CAMK1: variants seen among roughly 807,000 people sequenced by gnomAD.
CAMK1 encodes calcium/calmodulin dependent protein kinase I.
Under a neutral mutation model 49.1 loss-of-function variants are expected in CAMK1, and 39 were observed. That is an observed-to-expected ratio of 0.79 (90% CI 0.62 to 1.04). The LOEUF (loss-of-function observed/expected upper bound fraction) is 1.04. CAMK1 is among the 50% of genes least tolerant of loss of function. The pLI is 0.00. For synonymous variants in CAMK1, 192 were observed against 185.2 expected (o/e 1.04, Z -0.30); for missense variants, 457 against 472.2 (o/e 0.97, Z 0.30).
chr3:9,766,027 C>T (rs1365250986), intron 2 of CAMK1, 137 bp from the exon 3 acceptor site: 3 of 1,612,592 alleles, frequency 1.9e-6, no homozygotes, highest in Admixed American at 3.3e-5. Flanking sequence ...CTCATCCATC[C>T]CCTGGCTCCA....
chr3:9,765,625 T>C (rs776613875), intron 3 of CAMK1, 134 bp downstream of exon 3: 51 of 1,051,058 alleles, frequency 4.9e-5, no homozygotes, highest in Non-Finnish European at 6.9e-5. Context: ...AAGTGGAAAT[T>C]GTGATCCCCA....
Position 9,761,656 on chromosome 3 carries a change from G to A in CAMK1, c.531C>T (p.Thr177=), listed in dbSNP as rs377236766. 56 of 1,614,000 alleles carry A rather than the reference G, an allele frequency of 3.5e-5. No individual in the cohort carries two copies. The highest frequency in any genetic ancestry group is 4.5e-5 in the East Asian group (2 of 44,900). ...KMEDPGSVLS[T]ACGTPGYVAP... ...CCACGTATCCCGGAGTTCCACAGGC[G>A]GTGGAGAGCACACTGCCCGGGTCCT... Residue 177 remains threonine, a synonymous_variant, in exon 6 of 12, where the codon ACC becomes ACT. Coordinates refer to ENST00000256460, the MANE Select transcript of CAMK1 (RefSeq NM_003656.5).
At chr3:9,761,885 A>G (rs2125578938) in intron 5 of CAMK1, 128 bp from the exon 6 acceptor site, 4 of 1,419,006 alleles carry the variant, frequency 2.8e-6, no homozygotes, top group Non-Finnish European at 3.7e-6. Context: ...CATGGCTGTC[A>G]TAAGAAAATC....
intron 10 of CAMK1, chr3:9,758,927 G>T: frequency 2.3e-6 from 1 of 437,794 alleles, no homozygotes; most frequent in Non-Finnish European, 4.3e-6. Context: ...ACCATGCCTG[G>T]CCCTGAGAGC....
intron 2 of CAMK1, 21 bp from the exon 3 acceptor site, chr3:9,765,911 C>G: frequency 6.2e-7 from 1 of 1,614,110 alleles, no homozygotes; most frequent in Non-Finnish European, 8.5e-7. Context: ...AGGGGATTCA[C>G]AAGGTGAAGA....
chr3:9,763,479 A>C (rs1269796286), intron 3 of CAMK1, among the ~76,000 whole-genome samples: 5 of 151,712 alleles, frequency 3.3e-5, no homozygotes. Flanking sequence ...CACTGCCTAC[A>C]TACCTGGGTA....
intron 7 of CAMK1, 108 bp from the exon 8 acceptor site, chr3:9,760,876 C>T: frequency 6.6e-7 from 1 of 1,512,274 alleles, no homozygotes; most frequent in Non-Finnish European, 9.0e-7. Context: ...GAAGGAGTTC[C>T]CCCTTTATAA....
At chr3:9,764,566 CCT>C (rs1177089890) in intron 3 of CAMK1, among the ~76,000 whole-genome samples, 1 of 151,250 alleles carries the variant, frequency 6.6e-6, no homozygotes, top group African/African-American at 2.4e-5. Context: ...CCCACTTCAG[CCT>C]CTCAAAGTGC....
At chr3:9,766,055 C>T (rs959050166) in intron 2 of CAMK1, 165 bp from the exon 3 acceptor site, 1 of 1,588,362 alleles carries the variant, frequency 6.3e-7, no homozygotes, top group Admixed American at 1.8e-5. Flanking sequence ...TCACATGACC[C>T]AGGCCTGGCC....
At chr3:9,766,526 C>T in intron 2 of CAMK1, 2 of 459,810 alleles carry the variant, frequency 4.3e-6, no homozygotes, top group South Asian at 2.3e-5. Flanking sequence ...GGCCCTGCCC[C>T]AGATTTACTA....
At position 9,757,364 on chromosome 3, in the gene CAMK1, T is replaced by TA; in HGVS notation, c.*174dup. ...GCTAAGGATGGTTTTATCTTCCCTT[T>TA]ATTACAAGAAGGAACAATAAAATAG... On this transcript the variant is annotated 3_prime_UTR_variant, in exon 12 of 12. Transcript: ENST00000256460. This position sits in a 1 kb window ranked among gnomAD's most constrained non-coding sequence, Gnocchi z 4.5. The TA allele has an allele frequency of 6.2e-7, 1 of 1,613,950 alleles. No homozygotes were observed. The highest frequency in any genetic ancestry group is 8.5e-7 in the Non-Finnish European group (1 of 1,179,928).
rs1419570960 is a variant in CAMK1, at chr3:9,761,767, C to G, written c.430-10G>C. The stretch of plus-strand genomic sequence containing the variant: ...ACAGCAGATTCTCTGGCTTGAAGGG[C>G]AGGAGGGAAGAGAAGGGGCAATCAG... On this transcript the variant is annotated splice_polypyrimidine_tract_variant and intron_variant, in intron 5 of 11. Transcript: ENST00000256460. 1 of 1,613,746 alleles carries G rather than the reference C, an allele frequency of 6.2e-7. No individual in the cohort carries two copies. Among genetic ancestry groups the G allele is most frequent in the Non-Finnish European group, 8.5e-7 (1 of 1,179,880 alleles).
intron 5 of CAMK1, chr3:9,762,237 A>AG (rs1364347492): frequency 5.8e-5 from 9 of 156,170 alleles, no homozygotes; most frequent in African/African-American, 2.2e-4. Flanking sequence ...ATTGAGATGT[A>AG]CTGCTAAATG....
At chr3:9,766,035 C>T in intron 2 of CAMK1, 145 bp from the exon 3 acceptor site, 9 of 1,609,500 alleles carry the variant, frequency 5.6e-6, no homozygotes, top group Non-Finnish European at 6.8e-6. Flanking sequence ...TCCCCTGGCT[C>T]CAGAGATGGT....
chr3:9,764,052 G>A (rs1226560440), intron 3 of CAMK1, among the ~76,000 whole-genome samples: 1 of 152,120 alleles, frequency 6.6e-6, no homozygotes, highest in Non-Finnish European at 1.5e-5. Flanking sequence ...CCAGACATAA[G>A]CTCCCCGAAT....
chr3:9,760,824 G>C lies in CAMK1; in HGVS notation c.633-56C>G, dbSNP rs1362565148. On this transcript the variant is annotated intron_variant, in intron 7 of 11. Coordinates refer to ENST00000256460, the MANE Select transcript of CAMK1 (RefSeq NM_003656.5). Reference sequence around the variant, plus strand: ...ACTTTCGGGTGCCGTTGGCTCCGGGGTGGAGCACTGGGGCAGTCTCAGGGG... The same window carrying C: ...ACTTTCGGGTGCCGTTGGCTCCGGGCTGGAGCACTGGGGCAGTCTCAGGGG... 3 of 1,608,158 alleles carry C rather than the reference G, an allele frequency of 1.9e-6. No homozygotes were observed. In the East Asian group the frequency reaches 6.7e-5, roughly 36 times the overall value.
In CAMK1 at chr3:9,759,760, C is replaced by T; in HGVS notation, c.746-10G>A. 1.2e-6 allele frequency: 2 copies of T among 1,614,118 alleles called. No individual in the cohort carries two copies. The highest frequency in any genetic ancestry group is 1.1e-5 in the South Asian group (1 of 91,074). On this transcript the variant is annotated splice_polypyrimidine_tract_variant and intron_variant, in intron 8 of 11. Coordinates refer to ENST00000256460, the MANE Select transcript of CAMK1 (RefSeq NM_003656.5). ...CGGATGAAATCTTTGGCTAAACCCCCAAGACAAAAGCAAAGATAATGACAG... is the reference window on the plus strand; with the variant it reads ...CGGATGAAATCTTTGGCTAAACCCCTAAGACAAAAGCAAAGATAATGACAG...
intron 1 of CAMK1, among the ~76,000 whole-genome samples, chr3:9,768,230 G>A (rs1472212609): frequency 1.3e-5 from 2 of 152,038 alleles, no homozygotes; most frequent in Non-Finnish European, 2.9e-5. Context: ...CCGACTCCCC[G>A]GCCTCTCCGA....
intron 7 of CAMK1, chr3:9,761,160 C>T (rs1001808155): frequency 2.8e-5 from 10 of 358,456 alleles, no homozygotes; most frequent in Admixed American, 1.3e-4. Context: ...TATCACCTGA[C>T]GTCAGTTTGT....
Sources: gnomAD v4.1 joint callset for allele counts (sites outside exome capture counted in the v4.1 genomes callset) on GRCh38, gnomAD v4.1.1 for gene constraint, Gnocchi (gnomAD v3.1) non-coding constraint, MANE v1.5 for transcripts, NCBI Gene and HGNC (gene_info 2026-07-23, HGNC 2026-07-21) for gene names.